The following AP3D1 variants were observed in gnomAD, a reference collection of about 807,000 sequenced individuals.
AP3D1 encodes the protein AP-3 complex subunit delta-1.
Under a neutral mutation model 147.6 loss-of-function variants are expected in AP3D1, and 51 were observed. The ratio of observed to expected loss-of-function variants is 0.35; its 90% CI spans 0.28 to 0.44. The LOEUF is 0.44. Among genes scored for constraint, AP3D1 ranks in the 20% least tolerant of loss-of-function variants. The pLI, the probability that AP3D1 is intolerant of heterozygous loss-of-function variation, is 1.00. For synonymous variants in AP3D1, 760 were observed against 663.0 expected, an observed-to-expected ratio of 1.15 and a Z score of -2.25; for missense variants, 1,421 against 1,624.2, an observed-to-expected ratio of 0.87 and a Z score of 2.15.
At chr19:2,137,682 G>A (rs747961522) in intron 3 of AP3D1, 45 bp downstream of exon 3, 6 of 1,551,418 alleles carry the variant, frequency 3.9e-6, no homozygotes, top group Non-Finnish European at 5.3e-6. Flanking sequence ...CCTCACACCT[G>A]TAATCACTCC....
At chr19:2,105,568 A>C (rs2018087651) in intron 31 of AP3D1, among the ~76,000 whole-genome samples, 1 of 152,236 alleles carries the variant, frequency 6.6e-6, no homozygotes, top group African/African-American at 2.4e-5. Flanking sequence ...AATGCTAATG[A>C]CTGGCTTGCT....
At chr19:2,124,224 G>A (rs76599645) in intron 9 of AP3D1, among the ~76,000 whole-genome samples, 18,988 of 152,268 alleles carry the variant, frequency 0.12, 1,305 homozygotes, top group Non-Finnish European at 0.16. Flanking sequence ...AGACCCTGTA[G>A]GAACCCAGGC....
intron 20 of AP3D1, 120 bp downstream of exon 20, chr19:2,115,099 G>A (rs1474027819): frequency 9.3e-7 from 1 of 1,071,462 alleles, no homozygotes. Context: ...TGCTCTCCGG[G>A]GTGGGGCCTC....
chr19:2,109,361 A>G, intron 29 of AP3D1, 154 bp from the exon 30 acceptor site: 1 of 1,021,868 alleles, frequency 9.8e-7, no homozygotes. Flanking sequence ...GGTGTGGCTC[A>G]TTTTCATGTG....
intron 26 of AP3D1, 74 bp downstream of exon 26, chr19:2,111,211 C>T: frequency 6.3e-7 from 1 of 1,577,096 alleles, no homozygotes; most frequent in Admixed American, 1.7e-5. Flanking sequence ...GTGGGGGCTG[C>T]CCGGGTTCCG....
rs2017941772 is a variant in AP3D1, at chr19:2,101,194, T to C, written c.*979A>G. 1 of 152,542 alleles carries C rather than the reference T, an allele frequency of 6.6e-6. No homozygotes were observed. The highest frequency in any genetic ancestry group is 2.1e-4 in the South Asian group (1 of 4,820). 9.4% of individuals were successfully genotyped at this position (152,542 alleles called of 1,614,324 possible). ...GACAGTTTTCATCAAAAGGAGAAGA[T>C]AAAATGTCATTATCTCTGAAGAAGG... is the stretch of plus-strand genomic sequence containing the variant. On this transcript the variant is annotated 3_prime_UTR_variant, in exon 32 of 32. Coordinates refer to ENST00000643116, the MANE Select transcript of AP3D1 (RefSeq NM_001261826.3).
At position 2,111,671 on chromosome 19, in the gene AP3D1, C is replaced by T; in HGVS notation, c.2937+8G>A. On this transcript the variant is annotated splice_region_variant and intron_variant, in intron 25 of 31. Transcript: ENST00000643116. ...GGCGTGGGGCGGGGGCGCTGAAGTA[C>T]CCCTCACCGGGAGCTGCTCCTCCTC... is the stretch of plus-strand genomic sequence containing the variant. 1 of 1,581,696 alleles carries T rather than the reference C, an allele frequency of 6.3e-7. No homozygotes were observed. Among genetic ancestry groups the T allele is most frequent in the Non-Finnish European group, 8.6e-7 (1 of 1,167,412 alleles).
At chr19:2,120,161 T>A (rs1439084399) in intron 14 of AP3D1, among the ~76,000 whole-genome samples, 3 of 151,776 alleles carry the variant, frequency 2.0e-5, no homozygotes, top group Non-Finnish European at 2.9e-5. Flanking sequence ...TAGCAGCAAA[T>A]CTCATAAATT....
Position 2,109,211 on chromosome 19 carries a change from T to C in AP3D1, c.3351-4A>G. On this transcript the variant is annotated splice_region_variant and splice_polypyrimidine_tract_variant and intron_variant, in intron 29 of 31. Coordinates refer to ENST00000643116, the MANE Select transcript of AP3D1 (RefSeq NM_001261826.3). ...CAGCAACTTAGCAAAGGCGTCACTG[T>C]GGGAGGGACAGGGAGGCTGACTGCG... The C allele has an allele frequency of 6.3e-7, 1 of 1,586,768 alleles. No homozygotes were observed. The highest frequency in any genetic ancestry group is 8.6e-7 in the Non-Finnish European group (1 of 1,168,478).
chr19:2,112,948 G>C lies in AP3D1; in HGVS notation c.2699C>G (p.Thr900Ser). The C allele has an allele frequency of 6.2e-7, 1 of 1,612,466 alleles. No individual in the cohort carries two copies. The highest frequency in any genetic ancestry group is 2.2e-5 in the East Asian group (1 of 44,838). The part of the protein sequence containing the change: ...VPSTGELSVN[T>S]VTTPKDECED... The stretch of plus-strand genomic sequence containing the variant: ...ACACTCGTCCTTCGGGGTAGTGACA[G>C]TGTTCACACTGAGCTCCCCCTGCAG... Residue 900 changes from threonine to serine, a missense_variant, in exon 24 of 32, where the codon ACT becomes AGT. Physicochemically the swap from Thr to Ser is moderately conservative, Grantham distance 58. This residue lies in a region of AP3D1 where 791 missense variants were observed against 761.4 expected (regional missense o/e 1.04). Transcript: ENST00000643116.
intron 9 of AP3D1, among the ~76,000 whole-genome samples, 196 bp from the exon 10 acceptor site, chr19:2,124,075 ACCTGCAGGGGCC>A (rs1404206076): frequency 1.3e-5 from 2 of 152,184 alleles, no homozygotes; most frequent in Non-Finnish European, 2.9e-5. Context: ...GAGGATAGGA[ACCTGCAGGGGCC>A]CCCACCCTCA....
At chr19:2,127,522 G>C (rs2018790894) in intron 8 of AP3D1, among the ~76,000 whole-genome samples, 1 of 152,116 alleles carries the variant, frequency 6.6e-6, no homozygotes, top group African/African-American at 2.4e-5. Flanking sequence ...AGTTTTTTTT[G>C]TTTTGTTTTT....
chr19:2,158,957 C>T (rs1483571016), intron 1 of AP3D1, among the ~76,000 whole-genome samples: 1 of 151,946 alleles, frequency 6.6e-6, no homozygotes, highest in Non-Finnish European at 1.5e-5. Context: ...AAAATGGAGT[C>T]GTCTAGGTCA....
At position 2,113,377 on chromosome 19, in the gene AP3D1, G is replaced by A. The variant is rs753448936; in HGVS notation, c.2638C>T (p.Pro880Ser). ...DLDFWLSTTP[P>S]PAPAPAPAPV... is the part of the protein sequence containing the mutation. ...GCGGGGGCGGGGGCGGGGGCAGGCG[G>A]TGGGGTGGTAGACAGCCAGAAGTCC... Residue 880 changes from proline to serine, a missense_variant, in exon 23 of 32, where the codon CCG becomes TCG. Physicochemically the swap from Pro to Ser is moderately conservative, Grantham distance 74 (BLOSUM62 -1). Around this residue, in one of 6 missense-constraint regions of AP3D1, gnomAD observed 791 missense variants for 761.4 expected, o/e 1.04. Coordinates refer to ENST00000643116, the MANE Select transcript of AP3D1 (RefSeq NM_001261826.3). 1 of 1,458,486 alleles carries A rather than the reference G, an allele frequency of 6.9e-7. No individual in the cohort carries two copies. The highest frequency in any genetic ancestry group is 2.6e-5 in the East Asian group (1 of 38,010). 90.3% of individuals were successfully genotyped at this position (1,458,486 alleles called of 1,614,324 possible). A position where few individuals can be genotyped will look rare whatever the true frequency, so the allele number is the denominator to read the frequency against.
rs532004441 is a variant in AP3D1 at position 2,151,155 on chromosome 19, G to A, written c.96+84C>T. The A allele has an allele frequency of 5.2e-5, 68 of 1,311,802 alleles. 1 individual carries two copies. The African/African-American group carries it at 9.3e-4, about 18-fold the overall frequency. The allele number at this position is 1,311,802 out of a possible 1,614,324, so 81.3% of individuals were successfully genotyped here. A position where few individuals can be genotyped will look rare whatever the true frequency, so the allele number is the denominator to read the frequency against. On this transcript the variant is annotated intron_variant, in intron 1 of 31. Transcript: ENST00000643116. ...TAAGACAGAGCCCGGGCGGGCGGCA[G>A]GCCGAGCAGGCCCAGTGAGCAGGGC...
In AP3D1 at chr19:2,115,272, C is replaced by T. The variant is rs2018410534; in HGVS notation, c.2296G>A (p.Glu766Lys). Residue 766 changes from glutamate (E) to lysine (K), a missense_variant, in exon 20 of 32, where the codon GAG becomes AAG. Transcript: ENST00000643116. ...ACCTGCTGGGCAGGGGCGATGTCCT[C>T]GTCGCTCTCCGTGGGCAGCGAGCTG... ...RHSSLPTESD[E>K]DIAPAQQVDI... 5 of 1,613,500 alleles carry T rather than the reference C, an allele frequency of 3.1e-6. No homozygotes were observed. Among genetic ancestry groups the T allele is most frequent in the African/African-American group, 1.3e-5 (1 of 75,070 alleles).
chr19:2,109,537 C>G, intron 29 of AP3D1: 2 of 486,312 alleles, frequency 4.1e-6, no homozygotes, highest in South Asian at 5.5e-5. Flanking sequence ...CCTGTGAGGA[C>G]TCAGGGGGGA....
chr19:2,154,356 T>G (rs1305992150), upstream of AP3D1, among the ~76,000 whole-genome samples: 1 of 151,376 alleles, frequency 6.6e-6, no homozygotes, highest in Non-Finnish European at 1.5e-5. Context: ...CTTGGCTCAC[T>G]GCAACCTCCA....
intron 27 of AP3D1, 104 bp from the exon 28 acceptor site, chr19:2,110,328 G>A (rs977766491): frequency 2.1e-6 from 2 of 973,364 alleles, no homozygotes; most frequent in Non-Finnish European, 3.2e-6. Context: ...GGCTGATTAG[G>A]AAACTGAGCT....
Sources: allele counts gnomAD v4.1 joint callset (sites outside exome capture counted in the v4.1 genomes callset), GRCh38; gene constraint gnomAD v4.1.1; regional missense constraint gnomAD v4.1.1; transcripts MANE v1.5; gene names NCBI Gene and HGNC (gene_info 2026-07-23, HGNC 2026-07-21).